STRIP1: variants seen among roughly 807,000 people sequenced by gnomAD.
The protein encoded by STRIP1 is striatin-interacting protein 1.
Under a neutral mutation model 106.2 loss-of-function variants are expected in STRIP1, and 63 were observed. The ratio of observed to expected loss-of-function variants is 0.59; its 90% CI spans 0.48 to 0.73. STRIP1 has a LOEUF of 0.73. Ranked by LOEUF, STRIP1 falls within the 30% of genes least tolerant of loss-of-function variation. The probability of loss-of-function intolerance (pLI) is 0.00; values close to 1 mark genes in which losing one functional copy is unlikely to be tolerated. For missense variants in STRIP1, 857 were observed against 1,074.8 expected (o/e 0.80, Z 2.83); for synonymous variants, 390 against 413.0 (o/e 0.94, Z 0.67).
chr1:110,049,479 A>G lies in STRIP1; in HGVS notation c.1808A>G (p.His603Arg). 5 of 1,600,088 alleles carry G rather than the reference A, an allele frequency of 3.1e-6. No individual in the cohort carries two copies. Among genetic ancestry groups the G allele is most frequent in the Non-Finnish European group, 4.3e-6 (5 of 1,175,088 alleles). Residue 603 changes from histidine (H) to arginine (R), a missense_variant, in exon 17 of 21, where the codon CAC (histidine) becomes CGC (arginine). Coordinates refer to ENST00000369795, the MANE Select transcript of STRIP1 (RefSeq NM_033088.4). Reference protein sequence around the residue: ...HVYQFEYMAQHLVFANCIPLI... With the variant: ...HVYQFEYMAQRLVFANCIPLI... ...CTTCAGTTTGAATACATGGCCCAGCACCTGGTGTTTGCCAACTGCATTCCT... is the reference window on the plus strand; with the variant it reads ...CTTCAGTTTGAATACATGGCCCAGCGCCTGGTGTTTGCCAACTGCATTCCT...
At chr1:110,044,325 G>T (rs1652917748) in intron 10 of STRIP1, among the ~76,000 whole-genome samples, 1 of 152,204 alleles carries the variant, frequency 6.6e-6, no homozygotes, top group African/African-American at 2.4e-5. Flanking sequence ...ATAGGCAGCA[G>T]CTTAAGAAAT....
chr1:110,037,781 TAAA>T, intron 1 of STRIP1, 107 bp from the exon 2 acceptor site: 1 of 726,522 alleles, frequency 1.4e-6, no homozygotes, highest in South Asian at 1.6e-5. Context: ...TGAAAAAACA[TAAA>T]AAAGTGGAGG....
intron 1 of STRIP1, 69 bp downstream of exon 1, chr1:110,034,886 C>G: frequency 7.4e-7 from 1 of 1,354,250 alleles, no homozygotes; most frequent in Non-Finnish European, 9.6e-7. Context: ...CCCGGGGCCA[C>G]TCTAGGGGCC....
Position 110,049,480 on chromosome 1 carries a change from C to T in STRIP1, c.1809C>T (p.His603=). ...TTCAGTTTGAATACATGGCCCAGCA[C>T]CTGGTGTTTGCCAACTGCATTCCTT... ...HVYQFEYMAQ[H]LVFANCIPLI... Residue 603 remains histidine (H), a synonymous_variant, in exon 17 of 21, where the codon CAC becomes CAT. Coordinates refer to ENST00000369795, the MANE Select transcript of STRIP1 (RefSeq NM_033088.4). The T allele has an allele frequency of 6.2e-7, 1 of 1,610,190 alleles. No homozygotes were observed. Among genetic ancestry groups the T allele is most frequent in the Non-Finnish European group, 8.5e-7 (1 of 1,177,460 alleles).
rs752644683 is a variant in STRIP1 at position 110,050,371 on chromosome 1, G to A, written c.1918G>A (p.Val640Met). The A allele has an allele frequency of 2.0e-5, 32 of 1,614,066 alleles. No homozygotes were observed. The highest frequency in any genetic ancestry group is 4.5e-5 in the East Asian group (2 of 44,884). ...TTCTGTCCTGGATTACCCTCACTGCGTGGTGCATGAGCTGCCAGAGCTGAC... is the reference window on the plus strand; with the variant it reads ...TTCTGTCCTGGATTACCCTCACTGCATGGTGCATGAGCTGCCAGAGCTGAC... ...SISVLDYPHC[V>M]VHELPELTAE... The change falls in exon 18 of 21, where the codon GTG becomes ATG. Residue 640 changes from valine to methionine, a missense_variant. Coordinates refer to ENST00000369795, the MANE Select transcript of STRIP1 (RefSeq NM_033088.4).
In STRIP1 at chr1:110,047,553, A is replaced by C. The variant is rs781762020; in HGVS notation, c.1500A>C (p.Glu500Asp). ...CATTATGTTAAAAGGGAGAAGAAGA[A>C]GTTGAGCAAGTCCCTGCAGAAACCC... is the stretch of plus-strand genomic sequence containing the variant. ...LRSPLSGGEE[E>D]VEQVPAETLY... The change falls in exon 14 of 21, where the codon GAA becomes GAC. Residue 500 changes from glutamate (E) to aspartate (D), a missense_variant. Glu to Asp is a conservative substitution (Grantham distance 45, BLOSUM62 2). Around this residue, in one of 2 missense-constraint regions of STRIP1, gnomAD observed 750 missense variants for 989.8 expected, o/e 0.76. Transcript: ENST00000369795. The C allele has an allele frequency of 2.9e-5, 46 of 1,611,542 alleles. No individual in the cohort carries two copies. Among genetic ancestry groups the C allele is most frequent in the Admixed American group, 3.4e-5 (2 of 59,682 alleles).
chr1:110,044,801 A>C, intron 10 of STRIP1, 39 bp from the exon 11 acceptor site: 3 of 1,607,480 alleles, frequency 1.9e-6, no homozygotes, highest in Non-Finnish European at 2.6e-6. Flanking sequence ...CATTTGCTAA[A>C]AACCTTTTTT....
At chr1:110,035,055 G>A (rs1652377847) in intron 1 of STRIP1, among the ~76,000 whole-genome samples, 1 of 152,216 alleles carries the variant, frequency 6.6e-6, no homozygotes. Flanking sequence ...GGCGACTGCT[G>A]GTTTGCTCCC....
upstream of STRIP1, chr1:110,034,596 G>C (rs1570909252): frequency 6.8e-7 from 1 of 1,470,242 alleles, no homozygotes; most frequent in Non-Finnish European, 9.0e-7. Context: ...TTGCATCACG[G>C]CGGCTGTGCG....
rs60925079 is a variant in STRIP1 at position 110,039,643 on chromosome 1, A to AC, written c.581+130dup. Reference sequence around the variant, plus strand: ...AGTTCTGGTCCCAGGCTGTGTTCTGACCACCTGGGTTGAATAACGGAGTTG... The same window carrying AC: ...AGTTCTGGTCCCAGGCTGTGTTCTGACCCACCTGGGTTGAATAACGGAGTTG... On this transcript the variant is annotated intron_variant, in intron 5 of 20. Coordinates refer to ENST00000369795, the MANE Select transcript of STRIP1 (RefSeq NM_033088.4). 265 of 1,213,576 alleles carry AC rather than the reference A, an allele frequency of 2.2e-4. 2 individuals are homozygous for AC. The African/African-American group carries it at 3.6e-3, about 16-fold the overall frequency. 75.2% of individuals were successfully genotyped at this position (1,213,576 alleles called of 1,614,324 possible). A position where few individuals can be genotyped will look rare whatever the true frequency, so the allele number is the denominator to read the frequency against.
chr1:110,051,865 C>T lies in STRIP1; in HGVS notation c.2244C>T (p.Asn748=), dbSNP rs182737587. 9.9e-5 allele frequency: 159 copies of T among 1,612,508 alleles called. 3 individuals carry two copies. The South Asian group carries it at 1.3e-3, about 14-fold the overall frequency. The part of the protein sequence containing the change: ...AIYQKVRHRL[N]DDWAYGNDLD... Reference sequence around the variant, plus strand: ...ACCAGAAGGTGCGGCATCGGCTGAACGACGACTGGGCATACGGCAATGGTG... The same window carrying T: ...ACCAGAAGGTGCGGCATCGGCTGAATGACGACTGGGCATACGGCAATGGTG... The change falls in exon 20 of 21, where the codon AAC becomes AAT. Residue 748 remains asparagine (N), a synonymous_variant. Transcript: ENST00000369795.
intron 15 of STRIP1, 143 bp downstream of exon 15, chr1:110,048,012 C>G: frequency 1.4e-6 from 1 of 697,402 alleles, no homozygotes; most frequent in East Asian, 2.7e-5. Context: ...AAGGAAACTA[C>G]GAGATTAAAG....
In STRIP1 at chr1:110,047,873, A is replaced by C; in HGVS notation, c.1661+4A>C. The C allele has an allele frequency of 6.4e-7, 1 of 1,554,860 alleles. No homozygotes were observed. Among genetic ancestry groups the C allele is most frequent in the Non-Finnish European group, 8.7e-7 (1 of 1,147,828 alleles). On this transcript the variant is annotated splice_donor_region_variant and intron_variant, in intron 15 of 20. Coordinates refer to ENST00000369795, the MANE Select transcript of STRIP1 (RefSeq NM_033088.4). ...ACGTCTTGCCTGAGGAGATGCCGTG[A>C]GTATCATTCTGTGAATGAAGCAGGT...
intron 5 of STRIP1, chr1:110,039,939 T>C (rs1652678674): frequency 2.3e-6 from 3 of 1,278,644 alleles, no homozygotes; most frequent in African/African-American, 3.0e-5. Flanking sequence ...AGTGGACAGG[T>C]CAGCTGCTGC....
At chr1:110,045,479 TA>T (rs778489038) in intron 12 of STRIP1, 1,716 of 102,926 alleles carry the variant, frequency 0.017, 12 homozygotes, top group African/African-American at 0.031. Context: ...CCGGATTCTT[TA>T]AAAAAAAAAA....
In STRIP1 at chr1:110,041,481, G is replaced by A. The variant is rs116199523; in HGVS notation, c.651-55G>A. 2,700 of 1,258,824 alleles carry A rather than the reference G, an allele frequency of 2.1e-3. 45 individuals are homozygous for A. In the African/African-American group the frequency reaches 0.035, roughly 16 times the overall value. The allele number at this position is 1,258,824 out of a possible 1,614,324, so 78.0% of individuals were successfully genotyped here. On this transcript the variant is annotated intron_variant, in intron 6 of 20. Transcript: ENST00000369795. ...GTGTAAGCACTTTGTTAGACACTAG[G>A]GTGCTCCTTTGACCCCCCCATCCCA... is the stretch of plus-strand genomic sequence containing the variant.
chr1:110,033,665 T>G (rs1652294126), upstream of STRIP1, among the ~76,000 whole-genome samples: 1 of 152,148 alleles, frequency 6.6e-6, no homozygotes, highest in Non-Finnish European at 1.5e-5. Flanking sequence ...CCCTGACGAT[T>G]TTATCTAATC....
intron 12 of STRIP1, among the ~76,000 whole-genome samples, chr1:110,045,819 G>A (rs987989144): frequency 6.6e-6 from 1 of 152,146 alleles, no homozygotes; most frequent in African/African-American, 2.4e-5. Context: ...AAAGAGAAGG[G>A]TGAGGACAAG....
chr1:110,047,594 T>C lies in STRIP1; in HGVS notation c.1541T>C (p.Leu514Pro). 1 of 1,611,172 alleles carries C rather than the reference T, an allele frequency of 6.2e-7. No homozygotes were observed. The highest frequency in any genetic ancestry group is 8.5e-7 in the Non-Finnish European group (1 of 1,178,706). ...VPAETLYQGL[L>P]PSLPQYMIAL... ...GCAGAAACCCTCTACCAAGGCTTGC[T>C]CCCCAGCCTGCCTCAGTATATGGTG... The change falls in exon 14 of 21, where the codon CTC (leucine) becomes CCC (proline). Residue 514 changes from leucine (L) to proline (P), a missense_variant. By Grantham distance (98) the Leu-to-Pro change is moderately conservative (BLOSUM62 -3). This residue lies in a region of STRIP1 where 750 missense variants were observed against 989.8 expected (regional missense o/e 0.76). Coordinates refer to ENST00000369795, the MANE Select transcript of STRIP1 (RefSeq NM_033088.4).
Sources: allele counts gnomAD v4.1 joint callset (sites outside exome capture counted in the v4.1 genomes callset), GRCh38; gene constraint gnomAD v4.1.1; regional missense constraint gnomAD v4.1.1; transcripts MANE v1.5; gene names NCBI Gene and HGNC (gene_info 2026-07-23, HGNC 2026-07-21).